TRIM5: variants seen among roughly 807,000 people sequenced by gnomAD.
TRIM5 encodes the protein tripartite motif containing 5.
TRIM5 carries 31 observed loss-of-function variants against 35.6 expected under a neutral mutation model. The observed-to-expected ratio is 0.87, with a 90% confidence interval of 0.65 to 1.18. The LOEUF (loss-of-function observed/expected upper bound fraction) is 1.18. Ranked by LOEUF, TRIM5 falls within the 50% of genes most tolerant of loss-of-function variation. TRIM5 has a pLI of 0.00. For missense variants in TRIM5, 609 were observed against 591.6 expected (o/e 1.03, Z -0.31); for synonymous variants, 243 against 215.6 (o/e 1.13, Z -1.11).
chr11:5,597,254 A>G, the TRIM5 span, among the ~76,000 whole-genome samples: 28 of 152,284 alleles, frequency 1.8e-4, no homozygotes, highest in African/African-American at 6.5e-4. Context: ...TGTATATCTT[A>G]GAGTTTTGGT....
Position 5,666,001 on chromosome 11 carries a change from C to T in TRIM5, c.848G>A (p.Gly283Glu), listed in dbSNP as rs1293356308. The T allele has an allele frequency of 1.1e-5, 18 of 1,612,998 alleles. No homozygotes were observed. The highest frequency in any genetic ancestry group is 1.5e-5 in the Non-Finnish European group (18 of 1,179,748). Residue 283 changes from glycine (G) to glutamate (E), a missense_variant, in exon 6 of 8, where the codon GGA becomes GAA. By Grantham distance (98) the Gly-to-Glu change is moderately conservative. Coordinates refer to ENST00000380034, the MANE Select transcript of TRIM5 (RefSeq NM_033034.3). The part of the protein sequence containing the change: ...RRVFRAPDLK[G>E]MLEVFRELTD... ...CTCACCTCTAAACACTTCTAGCATTCCTTTCAGATCAGGAGCTCGAAACAC... is the reference window on the plus strand; with the variant it reads ...CTCACCTCTAAACACTTCTAGCATTTCTTTCAGATCAGGAGCTCGAAACAC...
chr11:5,656,122 A>C, the TRIM5 span, among the ~76,000 whole-genome samples: 1 of 152,226 alleles, frequency 6.6e-6, no homozygotes, highest in South Asian at 2.1e-4. Flanking sequence ...AAACACCAAA[A>C]GCCATGGCAA....
At chr11:5,593,751 C>A in the TRIM5 span, among the ~76,000 whole-genome samples, 79 of 152,272 alleles carry the variant, frequency 5.2e-4, 2 homozygotes, top group African/African-American at 1.8e-3. Flanking sequence ...GTTGATACCA[C>A]CCTGAGTCTA....
At chr11:5,632,281 G>C in the TRIM5 span, 4 of 1,612,340 alleles carry the variant, frequency 2.5e-6, no homozygotes, top group Non-Finnish European at 3.4e-6. Flanking sequence ...AACCAGAAGA[G>C]AGAGGAGAGC....
chr11:5,652,400 C>T, the TRIM5 span, among the ~76,000 whole-genome samples: 6 of 152,214 alleles, frequency 3.9e-5, no homozygotes, highest in East Asian at 1.2e-3. Context: ...CGAGGTATCT[C>T]AGCCCATTCA....
the TRIM5 span, among the ~76,000 whole-genome samples, chr11:5,608,647 C>T: frequency 3.3e-5 from 5 of 151,770 alleles, no homozygotes; most frequent in African/African-American, 9.7e-5. Context: ...TGCAGTATTG[C>T]GCCACTGCAC....
At chr11:5,631,001 C>A in the TRIM5 span, among the ~76,000 whole-genome samples, 1 of 152,228 alleles carries the variant, frequency 6.6e-6, no homozygotes, top group Non-Finnish European at 1.5e-5. Context: ...CTTCATCGCT[C>A]CTAAATGTGG....
chr11:5,593,859 C>T, the TRIM5 span, among the ~76,000 whole-genome samples: 1 of 152,184 alleles, frequency 6.6e-6, no homozygotes, highest in Non-Finnish European at 1.5e-5. Flanking sequence ...TACCTTCAAA[C>T]CTGTCCTACT....
the TRIM5 span, chr11:5,591,162 A>T: frequency 6.5e-6 from 1 of 152,962 alleles, no homozygotes; most frequent in Admixed American, 6.5e-5. Flanking sequence ...TTCTGAGGAA[A>T]CTAAAAAGGC....
chr11:5,632,654 G>A, the TRIM5 span: 1 of 1,612,984 alleles, frequency 6.2e-7, no homozygotes, highest in Non-Finnish European at 8.5e-7. Context: ...CTACTCTTCT[G>A]TAAGGAGGAT....
At chr11:5,645,148 T>G in the TRIM5 span, among the ~76,000 whole-genome samples, 1,094 of 152,280 alleles carry the variant, frequency 7.2e-3, 12 homozygotes, top group African/African-American at 0.026. Flanking sequence ...AGCCAGCACT[T>G]TGGGAGGCCG....
chr11:5,656,534 A>C, the TRIM5 span, among the ~76,000 whole-genome samples: 3 of 152,092 alleles, frequency 2.0e-5, no homozygotes, highest in Non-Finnish European at 4.4e-5. Context: ...TTGTATTTTT[A>C]GTAGAGATGG....
At chr11:5,665,898 T>C in intron 6 of TRIM5, 83 bp downstream of exon 6, 1 of 1,405,196 alleles carries the variant, frequency 7.1e-7, no homozygotes, top group Non-Finnish European at 9.7e-7. Flanking sequence ...CTATCCATAT[T>C]TGGAAACTGC....
At chr11:5,660,666 G>A (rs1218177655), downstream of TRIM5, among the ~76,000 whole-genome samples, 1 of 151,892 alleles carries the variant, frequency 6.6e-6, no homozygotes, top group South Asian at 2.1e-4. Context: ...TTTCAGTGTG[G>A]TTGTAATGTT....
the TRIM5 span, chr11:5,633,696 C>T: frequency 4.6e-6 from 5 of 1,091,624 alleles, no homozygotes; most frequent in Admixed American, 2.9e-5. Flanking sequence ...TTCACAGTTT[C>T]TGTAAATTGC....
chr11:5,641,865 C>T, the TRIM5 span, among the ~76,000 whole-genome samples: 2 of 152,216 alleles, frequency 1.3e-5, no homozygotes, highest in East Asian at 1.9e-4. Flanking sequence ...TCTCCTTTGC[C>T]GAGTGTTCGT....
intron 4 of TRIM5, among the ~76,000 whole-genome samples, chr11:5,668,328 A>T (rs187184171): frequency 1.3e-5 from 2 of 152,190 alleles, no homozygotes; most frequent in African/African-American, 4.8e-5. Flanking sequence ...ATATAAACTT[A>T]TTCTCCAGGC....
chr11:5,655,776 T>G, the TRIM5 span: 1 of 780,278 alleles, frequency 1.3e-6, no homozygotes, highest in Non-Finnish European at 1.6e-6. Context: ...AGTGCTACAT[T>G]TTAATTAATT....
At chr11:5,683,561 A>G (rs1306798883) in intron 1 of TRIM5, among the ~76,000 whole-genome samples, 2 of 150,538 alleles carry the variant, frequency 1.3e-5, no homozygotes, top group African/African-American at 4.9e-5. Flanking sequence ...GGCACTCTGT[A>G]TCTAGCTCAA....
Sources: gnomAD v4.1 joint callset for allele counts (sites outside exome capture counted in the v4.1 genomes callset) on GRCh38, gnomAD v4.1.1 for gene constraint, MANE v1.5 for transcripts, NCBI Gene and HGNC (gene_info 2026-07-23, HGNC 2026-07-21) for gene names.